Variants in SLC19A1 observed in about 807,000 individuals in gnomAD.
SLC19A1 encodes solute carrier family 19 member 1.
SLC19A1 carries 37 observed loss-of-function variants against 35.3 expected under a neutral mutation model. The ratio of observed to expected loss-of-function variants is 1.05; its 90% confidence interval spans 0.81 to 1.38. The LOEUF is 1.38. Among genes scored for constraint, SLC19A1 ranks in the 40% most tolerant of loss-of-function variants. The probability of loss-of-function intolerance (pLI) is 0.00; values close to 1 mark genes in which losing one functional copy is unlikely to be tolerated. For synonymous variants in SLC19A1, 460 were observed against 398.5 expected (o/e 1.15, Z -1.84); for missense variants, 831 against 826.9 (o/e 1.00, Z -0.06).
Position 45,531,417 on chromosome 21 carries a change from G to T in SLC19A1, c.921C>A (p.Gly307=). The part of the protein sequence containing the change: ...PTTNSARVYN[G]AADAASTLLG... ...GCAGCGTGGAGGCAGCATCTGCCGCGCCGTTGTAGACCCGCGCACTGTTGG... is the reference window on the plus strand; with the variant it reads ...GCAGCGTGGAGGCAGCATCTGCCGCTCCGTTGTAGACCCGCGCACTGTTGG... Residue 307 remains glycine, a synonymous_variant, in exon 3 of 6, where the codon GGC becomes GGA. Transcript: ENST00000311124. 1 of 1,596,388 alleles carries T rather than the reference G, an allele frequency of 6.3e-7. No homozygotes were observed. The highest frequency in any genetic ancestry group is 8.5e-7 in the Non-Finnish European group (1 of 1,170,380).
chr21:45,560,697 AAGGTG>A (rs1161219608), intron 1 of SLC19A1, among the ~76,000 whole-genome samples: 1 of 152,214 alleles, frequency 6.6e-6, no homozygotes, highest in Non-Finnish European at 1.5e-5. Flanking sequence ...AGGAATGACA[AAGGTG>A]AGGTGCCTTG....
chr21:45,517,112 C>T lies in SLC19A1; in HGVS notation c.1294-972G>A, dbSNP rs1180727664. On this transcript the variant is annotated intron_variant, in intron 5 of 5. Transcript: ENST00000311124. The surrounding 1 kb of genome is among the most constrained non-coding windows in gnomAD (Gnocchi z 4.4). Reference sequence around the variant, plus strand: ...CCTCGGGGTCTGGGGAGCTGTGCCACGCAAGGACAGACTGTGCCACGCAGA... The same window carrying T: ...CCTCGGGGTCTGGGGAGCTGTGCCATGCAAGGACAGACTGTGCCACGCAGA... Among the ~76,000 whole-genome samples the T allele has an allele frequency of 2.0e-5, 3 of 152,130 alleles. No individual in the cohort carries two copies. The highest frequency in any genetic ancestry group is 4.8e-5 in the African/African-American group (2 of 41,412).
Position 45,540,051 on chromosome 21 carries a change from G to A in SLC19A1, c.-49-2043C>T, listed in dbSNP as rs992340183. Among the ~76,000 whole-genome samples the A allele has an allele frequency of 1.3e-5, 2 of 152,224 alleles. No individual in the cohort carries two copies. The highest frequency in any genetic ancestry group is 1.9e-4 in the East Asian group (1 of 5,160). On this transcript the variant is annotated intron_variant, in intron 1 of 5. Transcript: ENST00000311124. The surrounding 1 kb of genome is among the most constrained non-coding windows in gnomAD (Gnocchi z 5.5). ...GGCAGATCTGACGGTCGCCTGCCTC[G>A]GCCTCACCTTCCATGCCTCCTCAGG...
chr21:45,512,873 G>A lies in SLC19A1; in HGVS notation c.*2785C>T, dbSNP rs1568959062. ...GGCCACACTCAGCACAAGGCCATCT[G>A]GGCTCCTCCAGGGTGTGTGCTCGCC... On this transcript the variant is annotated 3_prime_UTR_variant, in exon 6 of 6. Coordinates refer to ENST00000311124, the MANE Select transcript of SLC19A1 (RefSeq NM_194255.4). 8.0e-6 allele frequency: 2 copies of A among 248,478 alleles called. No homozygotes were observed. Among genetic ancestry groups the A allele is most frequent in the East Asian group, 1.1e-4 (1 of 9,164 alleles). 15.4% of individuals were successfully genotyped at this position (248,478 alleles called of 1,614,324 possible).
intron 5 of SLC19A1, among the ~76,000 whole-genome samples, chr21:45,518,006 C>T (rs2038053829): frequency 6.6e-6 from 1 of 152,198 alleles, no homozygotes; most frequent in African/African-American, 2.4e-5. Flanking sequence ...CACTAAACCA[C>T]AAAGATCTCA....
chr21:45,512,045 G>A (rs1265729224), downstream of SLC19A1: 3 of 850,430 alleles, frequency 3.5e-6, no homozygotes, highest in African/African-American at 1.7e-5. Context: ...GAGGCCATGT[G>A]GCCCTCCAGG....
downstream of SLC19A1, chr21:45,509,237 G>T: frequency 7.3e-7 from 1 of 1,375,218 alleles, no homozygotes; most frequent in Non-Finnish European, 9.8e-7. Context: ...CGGGGGCGCA[G>T]CTCCCTGCTT....
In SLC19A1 at chr21:45,515,826, GA is replaced by G; in HGVS notation, c.1607del (p.Phe536SerfsTer2). 6.2e-7 allele frequency: 1 copy of G among 1,607,664 alleles called. No individual in the cohort carries two copies. The highest frequency in any genetic ancestry group is 1.1e-5 in the South Asian group (1 of 90,808). On this transcript the variant is annotated frameshift_variant, in exon 6 of 6. Transcript: ENST00000311124. LOFTEE classifies it low-confidence loss of function (END_TRUNC). ...GGGAAGGGGTTGTCACTGGGCTCAGGAATTCAGCTGCCTGCGGGGCCGGGGC... is the reference window on the plus strand; with the variant it reads ...GGGAAGGGGTTGTCACTGGGCTCAGGATTCAGCTGCCTGCGGGGCCGGGGC... ...AQAPAPQAAE[F>X]LSPVTTPSPC...
At chr21:45,558,820 T>A (rs964293262) in intron 1 of SLC19A1, among the ~76,000 whole-genome samples, 2 of 151,650 alleles carry the variant, frequency 1.3e-5, no homozygotes, top group African/African-American at 4.8e-5. Flanking sequence ...TTTCTTTTTT[T>A]TTTTTTTGAG....
downstream of SLC19A1, chr21:45,510,320 G>C (rs1602653759): frequency 1.2e-5 from 18 of 1,524,248 alleles, no homozygotes; most frequent in East Asian, 4.4e-4. Flanking sequence ...CCTCTGGGGT[G>C]AACTCCCAGC....
chr21:45,541,023 A>AAAAG (rs1364540024), intron 1 of SLC19A1, among the ~76,000 whole-genome samples: 7 of 129,838 alleles, frequency 5.4e-5, no homozygotes, highest in African/African-American at 2.0e-4. Context: ...TGCTAGTTTA[A>AAAAG]AAAGAAGAAG....
Position 45,506,705 on chromosome 21 carries a change from C to T in SLC19A1, c.498-8093G>A, listed in dbSNP as rs1266484305. On this transcript the variant is annotated intron_variant, in intron 3 of 4. Transcript: ENST00000417954. ...CTGCACACTGACACAGCCCTGACTC[C>T]TGGAGCCCTCCCACCTTCCAACACA... 2.4e-5 allele frequency: 4 copies of T among 165,008 alleles called. No homozygotes were observed. The East Asian group carries it at 6.7e-4, about 28-fold the overall frequency. 10.2% of individuals were successfully genotyped at this position (165,008 alleles called of 1,614,324 possible).
chr21:45,506,351 T>TG (rs1231334926), intron 3 of SLC19A1: 4 of 355,000 alleles, frequency 1.1e-5, no homozygotes, highest in Admixed American at 3.8e-5. Context: ...CGGCCCCGGC[T>TG]GGGGGGCAGG....
downstream of SLC19A1, chr21:45,510,078 G>T (rs374326288): frequency 3.2e-6 from 5 of 1,576,350 alleles, no homozygotes; most frequent in South Asian, 4.6e-5. Context: ...ACCTGGTTGC[G>T]CTCAACAGCC....
At chr21:45,508,015 G>A (rs2037326870), downstream of SLC19A1, among the ~76,000 whole-genome samples, 1 of 152,004 alleles carries the variant, frequency 6.6e-6, no homozygotes, top group Non-Finnish European at 1.5e-5. Context: ...ATGGATGGGT[G>A]GATGGAGAGG....
At chr21:45,512,122 G>A (rs1045346480), downstream of SLC19A1, 85 of 1,535,318 alleles carry the variant, frequency 5.5e-5, no homozygotes, top group African/African-American at 4.9e-4. Flanking sequence ...TTTCCTGCCC[G>A]GGGAGCGGCC....
intron 5 of SLC19A1, among the ~76,000 whole-genome samples, chr21:45,521,053 C>G (rs1166831509): frequency 6.6e-6 from 1 of 151,278 alleles, no homozygotes; most frequent in Non-Finnish European, 1.5e-5. Context: ...AAAAAGATAC[C>G]AGGGAGGACC....
At chr21:45,555,886 C>T (rs1182970559) in intron 1 of SLC19A1, among the ~76,000 whole-genome samples, 4 of 151,836 alleles carry the variant, frequency 2.6e-5, no homozygotes, top group South Asian at 2.1e-4. Flanking sequence ...TGAGTGACAT[C>T]ACCGCGACGC....
intron 3 of SLC19A1, chr21:45,507,527 G>T: frequency 6.2e-7 from 1 of 1,607,306 alleles, no homozygotes; most frequent in South Asian, 1.1e-5. Context: ...AGGCCCAGCC[G>T]CAGGTCCTGG....
Sources: gnomAD v4.1 joint callset for allele counts (sites outside exome capture counted in the v4.1 genomes callset) on GRCh38, gnomAD v4.1.1 for gene constraint, Gnocchi (gnomAD v3.1) non-coding constraint, MANE v1.5 for transcripts, NCBI Gene and HGNC (gene_info 2026-07-23, HGNC 2026-07-21) for gene names.